Variants in PAX2 observed in about 807,000 individuals in gnomAD.
The protein encoded by PAX2 is paired box protein Pax-2.
In PAX2, 9 loss-of-function variants were observed where a neutral mutation model predicts 41.7. The observed-to-expected ratio is 0.22, with a 90% CI of 0.13 to 0.38. The LOEUF is 0.38. Ranked by LOEUF, PAX2 falls within the 10% of genes least tolerant of loss-of-function variation. PAX2 has a pLI of 1.00. For missense variants in PAX2, 418 were observed against 531.6 expected (o/e 0.79, Z 2.10); for synonymous variants, 221 against 212.7 (o/e 1.04, Z -0.34).
At position 100,779,514 on chromosome 10, in the gene PAX2, G is replaced by A. The variant is rs139874530; in HGVS notation, c.427G>A (p.Val143Ile). ...CTGTTGCAGAATCATCCGGACCAAA[G>A]TTCAGCAGCCTTTCCACCCAACGCC... ...SSINRIIRTKVQQPFHPTPDG... is the reference protein window; with the variant it reads ...SSINRIIRTKIQQPFHPTPDG... Residue 143 changes from valine to isoleucine, a missense_variant, in exon 4 of 10, where the codon GTT (valine) becomes ATT (isoleucine). Physicochemically the swap from Val to Ile is conservative, Grantham distance 29 (BLOSUM62 3). Transcript: ENST00000355243. 14 of 1,595,368 alleles carry A rather than the reference G, an allele frequency of 8.8e-6. No homozygotes were observed. Among genetic ancestry groups the A allele is most frequent in the Non-Finnish European group, 1.2e-5 (14 of 1,171,170 alleles).
chr10:100,813,972 A>G (rs1053996807), intron 7 of PAX2, among the ~76,000 whole-genome samples: 6 of 152,350 alleles, frequency 3.9e-5, no homozygotes, highest in African/African-American at 1.4e-4. Flanking sequence ...AGCAATAAAC[A>G]GAACAGTTAA....
At chr10:100,794,238 C>T (rs1006544) in intron 5 of PAX2, among the ~76,000 whole-genome samples, 82,889 of 152,222 alleles carry the variant, frequency 0.54, 24,513 homozygotes, top group East Asian at 0.9. Flanking sequence ...TCACTTTATA[C>T]CAAGTCATGC....
intron 3 of PAX2, among the ~76,000 whole-genome samples, chr10:100,758,143 CT>C (rs531213135): frequency 0.099 from 13,992 of 141,278 alleles, 1,635 homozygotes; most frequent in African/African-American, 0.29. Context: ...AGGTGCCATT[CT>C]TTTTTTTTTT....
chr10:100,750,936 G>A lies in PAX2; in HGVS notation c.410+45G>A, dbSNP rs771897109. ...TTTCAGGGCTGGACTCCAGCTCCTG[G>A]CTCCTGCCTGCAGGGGTGTCCCACG... On this transcript the variant is annotated intron_variant, in intron 3 of 9. Transcript: ENST00000355243. The surrounding 1 kb of genome is among the most constrained non-coding windows in gnomAD (Gnocchi z 4.1). The A allele has an allele frequency of 3.4e-6, 5 of 1,458,664 alleles. No homozygotes were observed. The South Asian group carries it at 5.7e-5, about 17-fold the overall frequency. The allele number at this position is 1,458,664 out of a possible 1,614,324, so 90.4% of individuals were successfully genotyped here. A position where few individuals can be genotyped will look rare whatever the true frequency, so the allele number is the denominator to read the frequency against.
chr10:100,809,234 C>T lies in PAX2; in HGVS notation c.917C>T (p.Thr306Ile), dbSNP rs760180386. ...GGCACACAGACATACCCAGTTGTGA[C>T]TGGTAAGGGGGCTTCCAGGAGGGTG... ...VSGTQTYPVV[T>I]GRDMASTTLP... The change falls in exon 7 of 10, where the codon ACT (threonine) becomes ATT (isoleucine). Residue 306 changes from threonine (T) to isoleucine (I), a missense_variant and splice_region_variant. Transcript: ENST00000355243. 3 of 1,613,362 alleles carry T rather than the reference C, an allele frequency of 1.9e-6. No homozygotes were observed. Among genetic ancestry groups the T allele is most frequent in the Non-Finnish European group, 2.5e-6 (3 of 1,179,780 alleles).
intron 3 of PAX2, among the ~76,000 whole-genome samples, 182 bp from the exon 4 acceptor site, chr10:100,779,316 C>T (rs879736313): frequency 5.3e-5 from 8 of 152,288 alleles, no homozygotes; most frequent in South Asian, 4.1e-4. Flanking sequence ...GTTGGATCTG[C>T]GGAGCCAACA....
intron 5 of PAX2, among the ~76,000 whole-genome samples, chr10:100,804,268 C>T (rs904033923): frequency 5.1e-5 from 3 of 58,918 alleles, no homozygotes; most frequent in African/African-American, 3.3e-4. Flanking sequence ...TCAGTTCAGC[C>T]CCTACACACA....
At chr10:100,752,202 T>C (rs10883538) in intron 3 of PAX2, among the ~76,000 whole-genome samples, 23,778 of 152,176 alleles carry the variant, frequency 0.16, 2,378 homozygotes, top group Middle Eastern at 0.32. Context: ...AAATGGTTAT[T>C]CAGTTATGAA....
intron 1 of PAX2, among the ~76,000 whole-genome samples, chr10:100,739,103 C>A (rs1192053619): frequency 6.6e-6 from 1 of 152,044 alleles, no homozygotes; most frequent in East Asian, 1.9e-4. Flanking sequence ...CGACCCGAGG[C>A]CCCAAGACGG....
At chr10:100,799,789 C>CTTTTTTTTTTTTTTTTTTTTTTTTTTTTT in intron 5 of PAX2, among the ~76,000 whole-genome samples, 1 of 89,896 alleles carries the variant, frequency 1.1e-5, no homozygotes, top group Non-Finnish European at 2.2e-5. Flanking sequence ...TAGTGTAATT[C>CTTTTTTTTTTTTTTTTTTTTTTTTTTTTT]TTTTTTTTTT....
intron 5 of PAX2, among the ~76,000 whole-genome samples, chr10:100,794,610 A>G (rs1847258183): frequency 6.6e-6 from 1 of 152,202 alleles, no homozygotes; most frequent in African/African-American, 2.4e-5. Flanking sequence ...TCATTATTGA[A>G]GGTTAAAGTT....
chr10:100,805,838 C>T (rs190979995), intron 5 of PAX2, among the ~76,000 whole-genome samples: 39 of 152,298 alleles, frequency 2.6e-4, no homozygotes, highest in African/African-American at 7.0e-4. Flanking sequence ...CGCTTGGTTT[C>T]CCTCTGGCCT....
Position 100,750,001 on chromosome 10 carries a change from T to A in PAX2, c.212+87T>A. 1.4e-6 allele frequency: 2 copies of A among 1,472,492 alleles called. No individual in the cohort carries two copies. The highest frequency in any genetic ancestry group is 1.2e-5 in the South Asian group (1 of 82,798). The allele number at this position is 1,472,492 out of a possible 1,614,324, so 91.2% of individuals were successfully genotyped here. On this transcript the variant is annotated intron_variant, in intron 2 of 9. Coordinates refer to ENST00000355243, the MANE Select transcript of PAX2 (RefSeq NM_000278.5). This position sits in a 1 kb window ranked among gnomAD's most constrained non-coding sequence, Gnocchi z 4.1. ...TCCAGCTGGAGGACGTGGCTAAAAG[T>A]CCAGCGTGCCAAGCCAGAGAGGGAG...
At chr10:100,736,370 C>G (rs887330384) in intron 1 of PAX2, among the ~76,000 whole-genome samples, 2 of 152,176 alleles carry the variant, frequency 1.3e-5, no homozygotes, top group African/African-American at 2.4e-5. Flanking sequence ...CCTTCCTTCG[C>G]TTGTCCCCCA....
At chr10:100,747,533 A>G (rs1845238003) in intron 1 of PAX2, 1 of 757,392 alleles carries the variant, frequency 1.3e-6, no homozygotes, top group African/African-American at 1.9e-5. Context: ...CTATCTGCAG[A>G]TTAATAATTA....
chr10:100,765,368 G>T (rs1473194582), intron 3 of PAX2, among the ~76,000 whole-genome samples: 1 of 152,128 alleles, frequency 6.6e-6, no homozygotes, highest in Non-Finnish European at 1.5e-5. Flanking sequence ...TTAGTTAGGT[G>T]ACCAAGTTCA....
chr10:100,780,922 G>C (rs1225365103), intron 4 of PAX2, among the ~76,000 whole-genome samples: 1 of 152,168 alleles, frequency 6.6e-6, no homozygotes, highest in African/African-American at 2.4e-5. Context: ...CAGGTTTGCT[G>C]TTTCCTGGGC....
rs1384311031 is a variant in PAX2, at chr10:100,748,315, G to A, written c.44-1431G>A. 1.0e-6 allele frequency: 1 copy of A among 984,598 alleles called. No homozygotes were observed. The highest frequency in any genetic ancestry group is 1.2e-6 in the Non-Finnish European group (1 of 829,438). 61.0% of individuals were successfully genotyped at this position (984,598 alleles called of 1,614,324 possible). A position where few individuals can be genotyped will look rare whatever the true frequency, so the allele number is the denominator to read the frequency against. ...GGGGAGGGTGAGAAGTGGGGCTAGA[G>A]ATAGGGAGATTAACGGGGTGGGCAA... is the stretch of plus-strand genomic sequence containing the variant. On this transcript the variant is annotated intron_variant, in intron 1 of 9. Coordinates refer to ENST00000355243, the MANE Select transcript of PAX2 (RefSeq NM_000278.5). The surrounding 1 kb of genome is among the most constrained non-coding windows in gnomAD (Gnocchi z 5.0).
intron 8 of PAX2, among the ~76,000 whole-genome samples, chr10:100,825,766 G>A (rs1205738338): frequency 6.6e-6 from 1 of 152,140 alleles, no homozygotes; most frequent in African/African-American, 2.4e-5. Flanking sequence ...CGGCAAAGAG[G>A]GAGATTGCTG....
Sources: allele counts gnomAD v4.1 joint callset (sites outside exome capture counted in the v4.1 genomes callset), GRCh38; gene constraint gnomAD v4.1.1; non-coding constraint Gnocchi (gnomAD v3.1); transcripts MANE v1.5; gene names NCBI Gene and HGNC (gene_info 2026-07-23, HGNC 2026-07-21).